NXNL2: variants seen among roughly 807,000 people sequenced by gnomAD.
NXNL2 encodes nucleoredoxin-like protein 2.
A neutral mutation model predicts 11.1 loss-of-function variants in NXNL2; 7 were observed. The observed-to-expected ratio is 0.63, with a 90% CI of 0.36 to 1.18. The LOEUF (loss-of-function observed/expected upper bound fraction) is 1.18. NXNL2 is among the 50% of genes most tolerant of loss of function. The probability of loss-of-function intolerance (pLI) is 0.02; values close to 1 mark genes in which losing one functional copy is unlikely to be tolerated. For synonymous variants in NXNL2, 109 were observed against 101.8 expected, an observed-to-expected ratio of 1.07 and a Z score of -0.42; for missense variants, 233 against 217.7, an observed-to-expected ratio of 1.07 and a Z score of -0.44.
At chr9:88,579,550 C>T (rs73490045), downstream of NXNL2, among the ~76,000 whole-genome samples, 1 of 152,098 alleles carries the variant, frequency 6.6e-6, no homozygotes, top group Non-Finnish European at 1.5e-5. Flanking sequence ...GCCAAACGCT[C>T]AGAATTAAGT....
At chr9:88,557,868 TG>T (rs1011612743) in intron 1 of NXNL2, among the ~76,000 whole-genome samples, 1 of 152,200 alleles carries the variant, frequency 6.6e-6, no homozygotes, top group East Asian at 1.9e-4. Flanking sequence ...GAGGGGCCTT[TG>T]CTCTCTCTTT....
At chr9:88,553,373 A>T (rs1829968824) in intron 1 of NXNL2, among the ~76,000 whole-genome samples, 1 of 152,052 alleles carries the variant, frequency 6.6e-6, no homozygotes, top group Non-Finnish European at 1.5e-5. Flanking sequence ...CAACAACAAC[A>T]ACAACAAAAA....
chr9:88,553,569 A>T (rs1396648551), intron 1 of NXNL2, among the ~76,000 whole-genome samples: 3 of 152,160 alleles, frequency 2.0e-5, no homozygotes, highest in Non-Finnish European at 4.4e-5. Context: ...CTACATCAGC[A>T]GCTGGGTCTA....
At chr9:88,548,558 T>C (rs7851400), downstream of NXNL2, among the ~76,000 whole-genome samples, 50,401 of 149,138 alleles carry the variant, frequency 0.34, 15,436 homozygotes, top group East Asian at 0.8. Flanking sequence ...CATGGTGGCA[T>C]GCATCTGTAG....
At chr9:88,581,595 C>T (rs572199295) in intron 1 of NXNL2, among the ~76,000 whole-genome samples, 70 of 152,244 alleles carry the variant, frequency 4.6e-4, no homozygotes, top group African/African-American at 1.6e-3. Flanking sequence ...TACAGGCATG[C>T]GCCTGCATGT....
At chr9:88,576,173 C>T (rs190426846), downstream of NXNL2, among the ~76,000 whole-genome samples, 142 of 152,278 alleles carry the variant, frequency 9.3e-4, no homozygotes, top group Non-Finnish European at 1.7e-3. Context: ...CCAGCCTGGG[C>T]GATGGAGCGA....
Position 88,565,073 on chromosome 9 carries a change from G to T in NXNL2, c.303-6014G>T, listed in dbSNP as rs77316780. On this transcript the variant is annotated intron_variant, in intron 1 of 2. Coordinates refer to the NXNL2 transcript ENST00000375855. ...CATTCTACTCTATTCCTGTGAGTTT[G>T]ACTACTTTAGACACCTCCTGTAAGT... Among the ~76,000 whole-genome samples, 338 of 152,232 alleles carry T rather than the reference G, an allele frequency of 2.2e-3. 2 individuals carry two copies. In the East Asian group the frequency reaches 0.043, roughly 19 times the overall value.
downstream of NXNL2, among the ~76,000 whole-genome samples, chr9:88,577,078 A>G (rs1202137484): frequency 6.6e-6 from 1 of 152,142 alleles, no homozygotes; most frequent in African/African-American, 2.4e-5. Context: ...TGAGGAGCAG[A>G]GAGGAAGCAG....
chr9:88,583,971 C>G (rs9410665), intron 1 of NXNL2: 29,356 of 152,194 alleles, frequency 0.19, 4,601 homozygotes, highest in East Asian at 0.89. Context: ...TATCTGTAAG[C>G]CACTCAGTCA....
At chr9:88,551,119 T>C (rs1032040400) in intron 1 of NXNL2, among the ~76,000 whole-genome samples, 1 of 152,200 alleles carries the variant, frequency 6.6e-6, no homozygotes, top group African/African-American at 2.4e-5. Context: ...TCCTTGCCTG[T>C]TGTTCTATAC....
chr9:88,577,623 A>AAGAGAGAGAGAGAG (rs5899044), downstream of NXNL2, among the ~76,000 whole-genome samples: 9 of 149,394 alleles, frequency 6.0e-5, no homozygotes, highest in Non-Finnish European at 1.2e-4. Flanking sequence ...TGGAGAGAGA[A>AAGAGAGAGAGAGAG]AGAGAGAGAG....
intron 1 of NXNL2, among the ~76,000 whole-genome samples, chr9:88,557,707 C>A (rs1464029166): frequency 2.0e-5 from 3 of 152,126 alleles, no homozygotes; most frequent in Non-Finnish European, 4.4e-5. Context: ...CTCACACTAC[C>A]CAGAGGAGGA....
chr9:88,575,944 C>T (rs147162326), downstream of NXNL2, among the ~76,000 whole-genome samples: 109 of 152,270 alleles, frequency 7.2e-4, 1 homozygote, highest in African/African-American at 2.4e-3. Flanking sequence ...CCTGTAATCC[C>T]AGCACTTTGG....
At chr9:88,536,280 T>C (rs1829617235) in intron 1 of NXNL2, among the ~76,000 whole-genome samples, 1 of 152,194 alleles carries the variant, frequency 6.6e-6, no homozygotes, top group Admixed American at 6.5e-5. Context: ...GGACGGGGGC[T>C]TCAAGGCTGG....
At chr9:88,549,019 T>TA (rs1342162675), downstream of NXNL2, among the ~76,000 whole-genome samples, 1 of 152,208 alleles carries the variant, frequency 6.6e-6, no homozygotes, top group Non-Finnish European at 1.5e-5. Context: ...ACCTTGGACT[T>TA]ACAGCCTCCA....
chr9:88,561,894 T>C (rs1029256944), intron 1 of NXNL2, among the ~76,000 whole-genome samples: 9 of 152,230 alleles, frequency 5.9e-5, no homozygotes, highest in Middle Eastern at 3.4e-3. Context: ...ATTTGAGAAA[T>C]TGAATTTGGC....
chr9:88,548,782 T>C (rs1829887399), downstream of NXNL2, among the ~76,000 whole-genome samples: 2 of 152,032 alleles, frequency 1.3e-5, no homozygotes, highest in Non-Finnish European at 2.9e-5. Flanking sequence ...TTCTGTCCGG[T>C]ATAATCCATG....
chr9:88,558,131 G>A (rs1020249203), intron 1 of NXNL2, among the ~76,000 whole-genome samples: 2 of 152,158 alleles, frequency 1.3e-5, no homozygotes, highest in Non-Finnish European at 2.9e-5. Context: ...GTTCCCAGGG[G>A]AACCAACCAT....
intron 1 of NXNL2, among the ~76,000 whole-genome samples, chr9:88,582,417 C>T (rs149449268): frequency 3.3e-5 from 5 of 151,792 alleles, no homozygotes; most frequent in African/African-American, 4.8e-5. Flanking sequence ...TGCAGTGAGC[C>T]GAGATCGCAC....
Sources: gnomAD v4.1 joint callset for allele counts (sites outside exome capture counted in the v4.1 genomes callset) on GRCh38, gnomAD v4.1.1 for gene constraint, MANE v1.5 for transcripts, NCBI Gene and HGNC (gene_info 2026-07-23, HGNC 2026-07-21) for gene names.